Variants in PAFAH2 observed in about 807,000 individuals in gnomAD.
PAFAH2 encodes the protein platelet-activating factor acetylhydrolase 2, cytoplasmic.
PAFAH2 carries 42 observed loss-of-function variants against 49.0 expected under a neutral mutation model. The ratio of observed to expected loss-of-function variants is 0.86; its 90% CI spans 0.67 to 1.11. PAFAH2 has a LOEUF of 1.11. PAFAH2 is among the 50% of genes least tolerant of loss of function. PAFAH2 has a pLI of 0.00. For missense variants in PAFAH2, 503 were observed against 501.8 expected, an observed-to-expected ratio of 1.00 and a Z score of -0.02; for synonymous variants, 184 against 181.3, an observed-to-expected ratio of 1.01 and a Z score of -0.12.
In PAFAH2 at chr1:25,988,250, G is replaced by A. The variant is rs767377325; in HGVS notation, c.322C>T (p.His108Tyr). 2.3e-5 allele frequency: 37 copies of A among 1,605,670 alleles called. 1 individual carries two copies. The Admixed American group carries it at 4.6e-4, about 20-fold the overall frequency. ...DSGYPLIIFS[H>Y]GLGAFRTLYS... ...TCTTACCTGAAGGCTCCTAGGCCAT[G>A]GGAGAAGATGATCAAGGGGTATCCA... The change falls in exon 4 of 11, where the codon CAT becomes TAT. Residue 108 changes from histidine to tyrosine, a missense_variant. Coordinates refer to ENST00000374282, the MANE Select transcript of PAFAH2 (RefSeq NM_000437.4).
intron 8 of PAFAH2, among the ~76,000 whole-genome samples, chr1:25,975,977 T>G (rs769106203): frequency 6.6e-6 from 1 of 152,070 alleles, no homozygotes; most frequent in Non-Finnish European, 1.5e-5. Context: ...TCCCCCTCAC[T>G]CACTACGCTC....
chr1:25,973,519 C>T (rs1306622473), intron 9 of PAFAH2, among the ~76,000 whole-genome samples: 2 of 152,144 alleles, frequency 1.3e-5, no homozygotes, highest in African/African-American at 4.8e-5. Flanking sequence ...CGTTAAGTCC[C>T]CTGAGTGTAC....
chr1:25,979,403 C>A (rs2049646821), intron 7 of PAFAH2, among the ~76,000 whole-genome samples: 1 of 151,620 alleles, frequency 6.6e-6, no homozygotes, highest in African/African-American at 2.4e-5. Flanking sequence ...GCAACCTCCA[C>A]CTCCTAGGCT....
intron 10 of PAFAH2, among the ~76,000 whole-genome samples, chr1:25,965,434 G>T (rs1014030307): frequency 1.3e-5 from 2 of 152,052 alleles, no homozygotes; most frequent in Non-Finnish European, 2.9e-5. Context: ...TACCACAAAA[G>T]AAACAATCAA....
chr1:25,963,042 G>A (rs531576415), intron 10 of PAFAH2, among the ~76,000 whole-genome samples: 36 of 152,130 alleles, frequency 2.4e-4, no homozygotes, highest in African/African-American at 8.4e-4. Context: ...GTAACTACAC[G>A]GCAAGAACAG....
At chr1:25,969,241 C>T (rs867780462) in intron 10 of PAFAH2, among the ~76,000 whole-genome samples, 13 of 152,210 alleles carry the variant, frequency 8.5e-5, no homozygotes, top group African/African-American at 3.1e-4. Context: ...AGAAGACCCT[C>T]GCCCTTTCCT....
chr1:25,972,221 G>C (rs1326298503), intron 10 of PAFAH2, among the ~76,000 whole-genome samples: 2 of 151,702 alleles, frequency 1.3e-5, no homozygotes. Flanking sequence ...GTAGCCTCTC[G>C]AGTAGCTGGG....
chr1:25,985,994 A>C (rs2049776017), intron 4 of PAFAH2, among the ~76,000 whole-genome samples: 1 of 152,256 alleles, frequency 6.6e-6, no homozygotes, highest in African/African-American at 2.4e-5. Context: ...TTATGGCTAA[A>C]CAACTACTTT....
At chr1:25,982,534 T>G in intron 6 of PAFAH2, 57 bp from the exon 7 acceptor site, 1 of 1,327,192 alleles carries the variant, frequency 7.5e-7, no homozygotes. Context: ...CCAGCGAGAA[T>G]CTCCCTCACG....
chr1:25,977,650 C>T (rs1330056964), intron 7 of PAFAH2, among the ~76,000 whole-genome samples: 3 of 138,292 alleles, frequency 2.2e-5, no homozygotes, highest in Non-Finnish European at 4.6e-5. Context: ...GAGACCCTGT[C>T]TCCAAAAAAA....
intron 1 of PAFAH2, among the ~76,000 whole-genome samples, chr1:25,994,957 G>A (rs1230694286): frequency 6.6e-6 from 1 of 152,200 alleles, no homozygotes; most frequent in East Asian, 1.9e-4. Flanking sequence ...ATTGACTGAT[G>A]TCCAAATAGG....
Position 25,961,408 on chromosome 1 carries a change from A to G in PAFAH2, c.*581T>C, listed in dbSNP as rs1359183580. The G allele has an allele frequency of 6.6e-6, 1 of 152,222 alleles. No individual in the cohort carries two copies. The highest frequency in any genetic ancestry group is 1.5e-5 in the Non-Finnish European group (1 of 68,066). The allele number at this position is 152,222 out of a possible 1,614,324, so 9.4% of individuals were successfully genotyped here. ...ACAAGTATAACTTACTACTGTAAGT[A>G]TAAGTAGTACTATGTTCCATACAAT... is the stretch of plus-strand genomic sequence containing the variant. On this transcript the variant is annotated 3_prime_UTR_variant, in exon 11 of 11. Coordinates refer to ENST00000374282, the MANE Select transcript of PAFAH2 (RefSeq NM_000437.4).
intron 1 of PAFAH2, among the ~76,000 whole-genome samples, chr1:25,995,334 G>C (rs1291204761): frequency 6.6e-6 from 1 of 152,182 alleles, no homozygotes; most frequent in African/African-American, 2.4e-5. Flanking sequence ...TGACTTGCCT[G>C]CAACAGTGGT....
intron 10 of PAFAH2, among the ~76,000 whole-genome samples, chr1:25,967,806 G>A (rs1361772480): frequency 6.6e-6 from 1 of 152,164 alleles, no homozygotes; most frequent in African/African-American, 2.4e-5. Context: ...TCAAGAGAAA[G>A]TTATTTTTTT....
At chr1:25,990,639 T>C in intron 2 of PAFAH2, 88 bp downstream of exon 2, 1 of 1,088,312 alleles carries the variant, frequency 9.2e-7, no homozygotes, top group Non-Finnish European at 1.4e-6. Flanking sequence ...TTCCCCACCG[T>C]GGGAATACAG....
In PAFAH2 at chr1:25,961,724, C is replaced by A. The variant is rs536174113; in HGVS notation, c.*265G>T. 48 of 352,390 alleles carry A rather than the reference C, an allele frequency of 1.4e-4. No individual in the cohort carries two copies. The highest frequency in any genetic ancestry group is 9.9e-4 in the African/African-American group (47 of 47,368). The allele number at this position is 352,390 out of a possible 1,614,324, so 21.8% of individuals were successfully genotyped here. On this transcript the variant is annotated 3_prime_UTR_variant, in exon 11 of 11. Coordinates refer to ENST00000374282, the MANE Select transcript of PAFAH2 (RefSeq NM_000437.4). Reference sequence around the variant, plus strand: ...CTCAGCCCGGGGCCTGGGTCTCCCCCAGTCCCACTCTACTGCTTGTTCCCC... The same window carrying A: ...CTCAGCCCGGGGCCTGGGTCTCCCCAAGTCCCACTCTACTGCTTGTTCCCC...
intron 3 of PAFAH2, among the ~76,000 whole-genome samples, chr1:25,988,980 T>G (rs779509885): frequency 6.6e-6 from 1 of 150,926 alleles, no homozygotes. Context: ...AGAAGAGGGG[T>G]GACTGGAGGG....
At position 25,971,208 on chromosome 1, in the gene PAFAH2, A is replaced by G. The variant is rs539000325; in HGVS notation, c.1084+1350T>C. On this transcript the variant is annotated intron_variant, in intron 10 of 10. Transcript: ENST00000374282. Reference sequence around the variant, plus strand: ...TTCAGACAAGCCTGGCTCCTTTCTCATGGAAACTGCCCTGCACACAGCACC... The same window carrying G: ...TTCAGACAAGCCTGGCTCCTTTCTCGTGGAAACTGCCCTGCACACAGCACC... Among the ~76,000 whole-genome samples the G allele has an allele frequency of 6.3e-4, 96 of 152,284 alleles. 1 individual carries two copies. In the South Asian group the frequency reaches 0.02, roughly 32 times the overall value.
chr1:25,963,218 A>T (rs2049366707), intron 10 of PAFAH2, among the ~76,000 whole-genome samples: 2 of 152,218 alleles, frequency 1.3e-5, no homozygotes, highest in African/African-American at 4.8e-5. Context: ...ATAGGTCCTC[A>T]ATGTATAAGT....
Sources: gnomAD v4.1 joint callset for allele counts (sites outside exome capture counted in the v4.1 genomes callset) on GRCh38, gnomAD v4.1.1 for gene constraint, MANE v1.5 for transcripts, NCBI Gene and HGNC (gene_info 2026-07-23, HGNC 2026-07-21) for gene names.